The following NAV3 variants were observed in gnomAD, a reference collection of about 807,000 sequenced individuals.
The protein encoded by NAV3 is pore membrane and/or filament interacting like protein 1.
Under a neutral mutation model 244.7 loss-of-function variants are expected in NAV3, and 87 were observed. That is an observed-to-expected ratio of 0.36 (90% CI 0.30 to 0.42). The LOEUF (loss-of-function observed/expected upper bound fraction) is 0.42. Ranked by LOEUF, NAV3 falls within the 20% of genes least tolerant of loss-of-function variation. The pLI is 1.00. For missense variants in NAV3, 2,663 were observed against 2,893.3 expected (o/e 0.92, Z 1.83); for synonymous variants, 1,126 against 1,042.2 (o/e 1.08, Z -1.55).
At chr12:78,104,284 TATG>T (rs1273258158) in intron 12 of NAV3, among the ~76,000 whole-genome samples, 2 of 152,176 alleles carry the variant, frequency 1.3e-5, no homozygotes, top group Admixed American at 6.5e-5. Flanking sequence ...ATACCTGCCA[TATG>T]AAGTGCTATT....
intron 12 of NAV3, among the ~76,000 whole-genome samples, chr12:78,064,645 C>A (rs1224749924): frequency 6.6e-6 from 1 of 152,022 alleles, no homozygotes; most frequent in African/African-American, 2.4e-5. Context: ...GGGGTGGAGA[C>A]ATAATTCAAT....
intron 12 of NAV3, among the ~76,000 whole-genome samples, chr12:78,067,001 A>G (rs562930605): frequency 1.3e-5 from 2 of 152,234 alleles, no homozygotes; most frequent in Non-Finnish European, 2.9e-5. Context: ...TTCTCATGAA[A>G]TCATGGGGGC....
intron 9 of NAV3, among the ~76,000 whole-genome samples, chr12:78,047,024 G>T (rs1438711356): frequency 6.6e-6 from 1 of 152,120 alleles, no homozygotes; most frequent in Non-Finnish European, 1.5e-5. Context: ...CTGGTTTAAA[G>T]TCTGTTTTAT....
At chr12:77,699,600 A>C (rs1426108795) in intron 2 of NAV3, among the ~76,000 whole-genome samples, 3 of 151,946 alleles carry the variant, frequency 2.0e-5, no homozygotes, top group Admixed American at 2.0e-4. Context: ...CTTGTTTCTA[A>C]GTCTGGTACA....
At chr12:78,207,358 A>G (rs1287892003) in intron 39 of NAV3, among the ~76,000 whole-genome samples, 2 of 152,172 alleles carry the variant, frequency 1.3e-5, no homozygotes, top group Non-Finnish European at 2.9e-5. Flanking sequence ...AACAACAAAG[A>G]GAATGTTAAT....
intron 21 of NAV3, 76 bp from the exon 22 acceptor site, chr12:78,148,766 G>A: frequency 7.6e-7 from 1 of 1,320,376 alleles, no homozygotes; most frequent in South Asian, 1.3e-5. Context: ...TACAGCATTT[G>A]CTTTCTTGGT....
At chr12:77,792,429 G>T (rs1871221120) in intron 2 of NAV3, among the ~76,000 whole-genome samples, 1 of 152,140 alleles carries the variant, frequency 6.6e-6, no homozygotes, top group Non-Finnish European at 1.5e-5. Context: ...TGTCAGTCAT[G>T]GTGGCCATGA....
At position 77,831,844 on chromosome 12, in the gene NAV3, G is replaced by A. The variant is rs866346364; in HGVS notation, c.243+140G>A. 1.9e-5 allele frequency: 19 copies of A among 975,156 alleles called. No homozygotes were observed. The Middle Eastern group carries it at 1.0e-3, about 54-fold the overall frequency. 60.4% of individuals were successfully genotyped at this position (975,156 alleles called of 1,614,324 possible). On this transcript the variant is annotated intron_variant, in intron 1 of 39. Transcript: ENST00000397909. ...TGTAAGTAGTTATAATGGCTGAAAA[G>A]CTGAATATTTAGCTTATGTAAACAC...
chr12:78,112,785 G>A (rs984120899), intron 12 of NAV3, among the ~76,000 whole-genome samples: 5 of 151,982 alleles, frequency 3.3e-5, no homozygotes, highest in African/African-American at 1.2e-4. Flanking sequence ...ATACAATCAT[G>A]CCCTTCCAAC....
At chr12:77,893,837 T>C (rs564580049) in intron 1 of NAV3, among the ~76,000 whole-genome samples, 1 of 152,334 alleles carries the variant, frequency 6.6e-6, no homozygotes. Context: ...CTAAGAATTT[T>C]TGTTTAATTG....
chr12:77,954,620 G>T (rs1375739322), intron 3 of NAV3, among the ~76,000 whole-genome samples: 1 of 152,188 alleles, frequency 6.6e-6, no homozygotes, highest in Non-Finnish European at 1.5e-5. Context: ...CTTCCTTCCT[G>T]TGCTTGGTTG....
intron 2 of NAV3, among the ~76,000 whole-genome samples, chr12:77,590,715 G>A (rs1270374403): frequency 2.0e-5 from 3 of 152,196 alleles, no homozygotes; most frequent in African/African-American, 7.2e-5. Context: ...CATTCATGGA[G>A]ATTATAATCA....
At chr12:77,720,822 G>A (rs1400214409) in intron 2 of NAV3, among the ~76,000 whole-genome samples, 1 of 152,114 alleles carries the variant, frequency 6.6e-6, no homozygotes, top group African/African-American at 2.4e-5. Flanking sequence ...CAAAGGGAGT[G>A]TGTCCATGTA....
chr12:77,863,677 T>A (rs1383966235), intron 1 of NAV3, among the ~76,000 whole-genome samples: 3 of 151,784 alleles, frequency 2.0e-5, no homozygotes, highest in Non-Finnish European at 4.4e-5. Flanking sequence ...TAGCAATATT[T>A]CTGTAATCTC....
chr12:77,686,023 G>A (rs1874724681), intron 2 of NAV3, among the ~76,000 whole-genome samples: 1 of 152,136 alleles, frequency 6.6e-6, no homozygotes, highest in Non-Finnish European at 1.5e-5. Context: ...GGAATAAAAT[G>A]GATGGATTTG....
At chr12:77,760,593 C>A (rs1180472587) in intron 2 of NAV3, among the ~76,000 whole-genome samples, 1 of 152,138 alleles carries the variant, frequency 6.6e-6, no homozygotes, top group Non-Finnish European at 1.5e-5. Context: ...GAAGAAGTTG[C>A]ATTGAAAATG....
intron 20 of NAV3, among the ~76,000 whole-genome samples, chr12:78,141,355 CT>C (rs776221303): frequency 9.2e-5 from 14 of 152,076 alleles, no homozygotes; most frequent in Admixed American, 2.6e-4. Context: ...ATGAGTGAGT[CT>C]TTTTAGAGCT....
At chr12:77,915,742 A>T (rs929794473) in intron 1 of NAV3, among the ~76,000 whole-genome samples, 9 of 152,026 alleles carry the variant, frequency 5.9e-5, no homozygotes, top group Non-Finnish European at 1.2e-4. Flanking sequence ...AAGACAAAAA[A>T]GTTGCAAAAT....
At chr12:78,149,041 G>A in intron 22 of NAV3, 122 bp downstream of exon 22, 2 of 788,350 alleles carry the variant, frequency 2.5e-6, no homozygotes, top group Non-Finnish European at 2.0e-6. Flanking sequence ...CAACTAGCAG[G>A]ACTCATAAAA....
Sources: allele counts gnomAD v4.1 joint callset (sites outside exome capture counted in the v4.1 genomes callset), GRCh38; gene constraint gnomAD v4.1.1; transcripts MANE v1.5; gene names NCBI Gene and HGNC (gene_info 2026-07-23, HGNC 2026-07-21).